The following USP7 variants were observed in gnomAD, a reference collection of about 807,000 sequenced individuals.
The protein encoded by USP7 is ubiquitin C-terminal hydrolase 7.
USP7 carries 9 observed loss-of-function variants against 162.9 expected under a neutral mutation model. That is an observed-to-expected ratio of 0.06 (90% CI 0.03 to 0.10). The LOEUF (loss-of-function observed/expected upper bound fraction) is 0.10. Among genes scored for constraint, USP7 ranks in the 10% least tolerant of loss-of-function variants. The pLI is 1.00. For synonymous variants in USP7, 562 were observed against 475.9 expected (o/e 1.18, Z -2.35); for missense variants, 715 against 1,373.7 (o/e 0.52, Z 7.58).
At chr16:8,896,186 G>A (rs1347573620) in intron 26 of USP7, among the ~76,000 whole-genome samples, 1 of 142,400 alleles carries the variant, frequency 7.0e-6, no homozygotes, top group Non-Finnish European at 1.5e-5. Context: ...ATCAGAAACA[G>A]AGACCGGAGG....
intron 1 of USP7, among the ~76,000 whole-genome samples, chr16:8,946,537 T>C (rs1008325551): frequency 2.0e-5 from 3 of 152,230 alleles, no homozygotes; most frequent in Non-Finnish European, 2.9e-5. Context: ...TCGCGTATCT[T>C]ACAAAGACTC....
At chr16:8,929,179 T>C (rs1240845818) in intron 2 of USP7, among the ~76,000 whole-genome samples, 1 of 152,220 alleles carries the variant, frequency 6.6e-6, no homozygotes, top group Non-Finnish European at 1.5e-5. Context: ...AACGCACACC[T>C]AGCGCCTCAG....
intron 1 of USP7, among the ~76,000 whole-genome samples, chr16:8,943,914 AT>A (rs1899164061): frequency 6.6e-6 from 1 of 152,130 alleles, no homozygotes; most frequent in Non-Finnish European, 1.5e-5. Context: ...TTAAAATTTC[AT>A]TTCTCTATTA....
intron 6 of USP7, among the ~76,000 whole-genome samples, chr16:8,918,267 C>G (rs767476344): frequency 6.6e-6 from 1 of 152,204 alleles, no homozygotes; most frequent in African/African-American, 2.4e-5. Flanking sequence ...CTGCCCACCC[C>G]ACAACCAGGA....
chr16:8,917,747 G>A (rs192427941), intron 6 of USP7, among the ~76,000 whole-genome samples: 2 of 152,172 alleles, frequency 1.3e-5, no homozygotes, highest in East Asian at 1.9e-4. Context: ...AGCCCCCAGA[G>A]AACTACTTTT....
At chr16:8,912,239 G>A (rs887030987) in intron 10 of USP7, among the ~76,000 whole-genome samples, 3 of 151,996 alleles carry the variant, frequency 2.0e-5, no homozygotes, top group South Asian at 2.1e-4. Flanking sequence ...ATCGCCTGAG[G>A]TCAGGAGTTC....
At chr16:8,939,295 C>A (rs924178003) in intron 1 of USP7, among the ~76,000 whole-genome samples, 2 of 152,180 alleles carry the variant, frequency 1.3e-5, no homozygotes, top group Admixed American at 1.3e-4. Context: ...CCCGGCAACC[C>A]TCATATGTTC....
chr16:8,929,192 C>T (rs1898182595), intron 2 of USP7, among the ~76,000 whole-genome samples: 1 of 152,224 alleles, frequency 6.6e-6, no homozygotes, highest in East Asian at 1.9e-4. Flanking sequence ...CGCCTCAGAG[C>T]TGGCCATGCC....
intron 13 of USP7, 35 bp downstream of exon 13, chr16:8,906,391 T>A (rs1229639797): frequency 9.4e-6 from 15 of 1,596,276 alleles, no homozygotes; most frequent in Non-Finnish European, 1.3e-5. Flanking sequence ...AACTTTCTGA[T>A]GAGCTTGCAT....
At position 8,921,142 on chromosome 16, in the gene USP7, T is replaced by C; in HGVS notation, c.522+15A>G. 1 of 1,613,026 alleles carries C rather than the reference T, an allele frequency of 6.2e-7. No individual in the cohort carries two copies. Among genetic ancestry groups the C allele is most frequent in the Non-Finnish European group, 8.5e-7 (1 of 1,179,846 alleles). ...TAATGCACCAATTGTTCAGACTAAA[T>C]ACACTGTTACTTACACTCCAGGCCA... On this transcript the variant is annotated intron_variant, in intron 4 of 30. Transcript: ENST00000344836.
intron 1 of USP7, among the ~76,000 whole-genome samples, chr16:8,955,704 CAAAAAAAA>C (rs58029349): frequency 3.0e-5 from 3 of 100,974 alleles, no homozygotes; most frequent in African/African-American, 6.7e-5. Flanking sequence ...GATTCCATCT[CAAAAAAAA>C]AAAAAAAAAA....
In USP7 at chr16:8,915,336, G is replaced by C; in HGVS notation, c.996C>G (p.Ile332Met). 6.2e-7 allele frequency: 1 copy of C among 1,613,452 alleles called. No homozygotes were observed. Among genetic ancestry groups the C allele is most frequent in the Non-Finnish European group, 8.5e-7 (1 of 1,179,844 alleles). Residue 332 changes from isoleucine (I) to methionine (M), a missense_variant, in exon 10 of 31, where the codon ATC becomes ATG. This residue lies in a region of USP7 where 15 missense variants were observed against 27.0 expected (regional missense o/e 0.56). Coordinates refer to ENST00000344836, the MANE Select transcript of USP7 (RefSeq NM_003470.3). ...ACCGATAGTCTACTTCTTTACACTGGATATAGGACTGCAAATAAGGAAAGT... is the reference window on the plus strand; with the variant it reads ...ACCGATAGTCTACTTCTTTACACTGCATATAGGACTGCAAATAAGGAAAGT... ...KLFRGKMVSYIQCKEVDYRSD... is the reference protein window; with the variant it reads ...KLFRGKMVSYMQCKEVDYRSD...
chr16:8,962,513 G>A (rs760625920), intron 1 of USP7: 1 of 451,090 alleles, frequency 2.2e-6, no homozygotes, highest in Non-Finnish European at 4.5e-6. Context: ...AGGCAGCCAT[G>A]TGCGGCAGGG....
At chr16:8,897,146 G>C in intron 25 of USP7, 47 bp from the exon 26 acceptor site, 1 of 1,410,762 alleles carries the variant, frequency 7.1e-7, no homozygotes, top group Non-Finnish European at 1.0e-6. Context: ...AAGCATAAAA[G>C]GTCTGCTACC....
chr16:8,896,501 T>C (rs571557301), intron 26 of USP7, among the ~76,000 whole-genome samples: 4 of 152,218 alleles, frequency 2.6e-5, no homozygotes, highest in Non-Finnish European at 2.9e-5. Context: ...GTGAGAATCA[T>C]GCCCATCTCT....
intron 1 of USP7, among the ~76,000 whole-genome samples, chr16:8,934,712 C>A (rs987992835): frequency 1.3e-5 from 2 of 152,212 alleles, no homozygotes; most frequent in Non-Finnish European, 2.9e-5. Context: ...CCCTTTTCCA[C>A]CTGACAGGTG....
chr16:8,936,814 G>A, intron 1 of USP7: 1 of 1,154,912 alleles, frequency 8.7e-7, no homozygotes, highest in Admixed American at 4.5e-5. Context: ...GAACAGAAGA[G>A]GATATTAATG....
intron 2 of USP7, among the ~76,000 whole-genome samples, chr16:8,927,940 T>C (rs982651688): frequency 3.9e-5 from 6 of 152,106 alleles, no homozygotes; most frequent in Non-Finnish European, 7.4e-5. Context: ...AGCCAAGAAG[T>C]TCAAGACCAG....
At chr16:8,909,578 C>G (rs1223214296) in intron 11 of USP7, among the ~76,000 whole-genome samples, 5 of 152,192 alleles carry the variant, frequency 3.3e-5, no homozygotes, top group Non-Finnish European at 5.9e-5. Flanking sequence ...GAATAGAGAA[C>G]AGTAATTCTC....
Sources: allele counts gnomAD v4.1 joint callset (sites outside exome capture counted in the v4.1 genomes callset), GRCh38; gene constraint gnomAD v4.1.1; regional missense constraint gnomAD v4.1.1; transcripts MANE v1.5; gene names NCBI Gene and HGNC (gene_info 2026-07-23, HGNC 2026-07-21).